DNASE1: variants seen among roughly 807,000 people sequenced by gnomAD.
DNASE1 encodes the protein deoxyribonuclease 1.
In DNASE1, 40 loss-of-function variants were observed where a neutral mutation model predicts 33.9. That is an observed-to-expected ratio of 1.18 (90% CI 0.92 to 1.54). The LOEUF (loss-of-function observed/expected upper bound fraction) is 1.54. DNASE1 is among the 40% of genes most tolerant of loss of function. The pLI, the probability that DNASE1 is intolerant of heterozygous loss-of-function variation, is 0.00. For synonymous variants in DNASE1, 216 were observed against 160.0 expected (o/e 1.35, Z -2.64); for missense variants, 518 against 372.6 (o/e 1.39, Z -3.21).
At chr16:3,664,355 G>T (rs113655404) in exon 10 of DNASE1, 2 of 1,613,144 alleles carry the variant, frequency 1.2e-6, no homozygotes. Context: ...GGTAGTAGAT[G>T]TTGCGGGTGC....
chr16:3,623,042 C>T (rs935217480), intron 1 of DNASE1, among the ~76,000 whole-genome samples: 18 of 152,046 alleles, frequency 1.2e-4, no homozygotes, highest in African/African-American at 4.1e-4. Flanking sequence ...ACCTGCCCCC[C>T]ACGTCCCCCC....
At chr16:3,628,966 G>A (rs944149735) in intron 1 of DNASE1, among the ~76,000 whole-genome samples, 1 of 149,226 alleles carries the variant, frequency 6.7e-6, no homozygotes, top group Admixed American at 6.7e-5. Context: ...GAGGTCAGGA[G>A]TTTGAGACTA....
chr16:3,657,834 C>G lies in DNASE1; in HGVS notation c.801+18C>G. 1.2e-6 allele frequency: 2 copies of G among 1,613,964 alleles called. No individual in the cohort carries two copies. Among genetic ancestry groups the G allele is most frequent in the Admixed American group, 1.7e-5 (1 of 60,018 alleles). On this transcript the variant is annotated intron_variant, in intron 8 of 8. Coordinates refer to ENST00000246949, the MANE Select transcript of DNASE1 (RefSeq NM_005223.4). The stretch of plus-strand genomic sequence containing the variant: ...ACCAACTGGTATGTGTCCTCCCTTG[C>G]ACAGCCACATGAGGATGGGACACAG...
At chr16:3,646,746 G>GTACC (rs2042182784) in intron 1 of DNASE1, among the ~76,000 whole-genome samples, 1 of 152,156 alleles carries the variant, frequency 6.6e-6, no homozygotes, top group Non-Finnish European at 1.5e-5. Context: ...GCTGGGACAT[G>GTACC]TACCTGGAAG....
chr16:3,634,046 G>A (rs993679255), intron 1 of DNASE1, among the ~76,000 whole-genome samples: 1 of 151,742 alleles, frequency 6.6e-6, no homozygotes, highest in African/African-American at 2.4e-5. Flanking sequence ...TCCTGACCTC[G>A]TGATCCGCCC....
downstream of DNASE1, chr16:3,658,970 G>A (rs1282540350): frequency 2.6e-6 from 3 of 1,154,848 alleles, no homozygotes; most frequent in Non-Finnish European, 3.8e-6. Context: ...CAGTAAGACT[G>A]TCTGTAGTTT....
At position 3,655,948 on chromosome 16, in the gene DNASE1, G is replaced by C. The variant is rs1336266849; in HGVS notation, c.236+11G>C. The C allele has an allele frequency of 6.2e-7, 1 of 1,613,544 alleles. No homozygotes were observed. The highest frequency in any genetic ancestry group is 1.3e-5 in the African/African-American group (1 of 74,924). ...GGACAACCTCAATCAGTGGGTGACA[G>C]TGGCAGGGTCATAGGAAGGTGACAT... On this transcript the variant is annotated intron_variant, in intron 3 of 8. Transcript: ENST00000246949.
intron 1 of DNASE1, among the ~76,000 whole-genome samples, chr16:3,630,901 G>GT (rs1370429171): frequency 2.6e-5 from 4 of 151,890 alleles, no homozygotes; most frequent in Non-Finnish European, 4.4e-5. Context: ...GGGTAATGTA[G>GT]TTTTTTTCCA....
At position 3,655,453 on chromosome 16, in the gene DNASE1, C is replaced by T. The variant is rs779747135; in HGVS notation, c.80C>T (p.Ala27Val). The T allele has an allele frequency of 3.7e-6, 6 of 1,614,032 alleles. No individual in the cohort carries two copies. The highest frequency in any genetic ancestry group is 5.1e-6 in the Non-Finnish European group (6 of 1,180,042). The change falls in exon 2 of 9, where the codon GCC (alanine) becomes GTC (valine). Residue 27 changes from alanine to valine, a missense_variant. Physicochemically the swap from Ala to Val is moderately conservative, Grantham distance 64 (BLOSUM62 0). Coordinates refer to ENST00000246949, the MANE Select transcript of DNASE1 (RefSeq NM_005223.4). ...LQGAVSLKIA[A>V]FNIQTFGETK... ...GGGGCCGTGTCCCTGAAGATCGCAG[C>T]CTTCAACATCCAGACATTTGGGGAG...
chr16:3,658,411 C>A (rs1009527410), downstream of DNASE1: 1 of 617,580 alleles, frequency 1.6e-6, no homozygotes, highest in Admixed American at 3.0e-5. Context: ...TGAGCCACCA[C>A]GCCTGGCCAT....
chr16:3,655,166 T>C (rs2151214743), intron 1 of DNASE1, 122 bp downstream of exon 1: 2 of 673,396 alleles, frequency 3.0e-6, no homozygotes, highest in Non-Finnish European at 5.0e-6. Flanking sequence ...GGGCGGGTTT[T>C]CTGGTGGATG....
At chr16:3,621,438 C>G (rs35192564) in intron 1 of DNASE1, among the ~76,000 whole-genome samples, 1 of 152,174 alleles carries the variant, frequency 6.6e-6, no homozygotes, top group African/African-American at 2.4e-5. Context: ...TGTCCAGGAG[C>G]TTCAGAAGGG....
chr16:3,656,383 C>T (rs1383824093), intron 4 of DNASE1, among the ~76,000 whole-genome samples, 198 bp downstream of exon 4: 2 of 148,408 alleles, frequency 1.3e-5, no homozygotes, highest in Non-Finnish European at 3.0e-5. Flanking sequence ...CCTCCTGTCG[C>T]CTGGGTCCCG....
intron 1 of DNASE1, among the ~76,000 whole-genome samples, chr16:3,628,719 C>T (rs1401952800): frequency 7.9e-5 from 12 of 151,176 alleles, no homozygotes; most frequent in Admixed American, 5.9e-4. Flanking sequence ...CCACCACGCC[C>T]GGCTAATTTT....
intron 1 of DNASE1, among the ~76,000 whole-genome samples, chr16:3,646,143 T>C (rs2042166308): frequency 6.6e-6 from 1 of 152,038 alleles, no homozygotes. Context: ...TCAAGCCCAG[T>C]GCCCAGAGTG....
rs765375903 is a variant in DNASE1, at chr16:3,657,313, G to A, written c.676G>A (p.Ala226Thr). The A allele has an allele frequency of 6.2e-7, 1 of 1,613,712 alleles. No homozygotes were observed. Among genetic ancestry groups the A allele is most frequent in the Admixed American group, 1.7e-5 (1 of 60,016 alleles). The stretch of plus-strand genomic sequence containing the variant: ...GATCCCCGACAGCGCTGACACCACA[G>A]CTACACCCACGCACTGTGCCTATGA... ...WLIPDSADTT[A>T]TPTHCAYDRI... The change falls in exon 7 of 9, where the codon GCT becomes ACT. Residue 226 changes from alanine (A) to threonine (T), a missense_variant. Ala to Thr is a moderately conservative substitution (Grantham distance 58, BLOSUM62 0). Coordinates refer to ENST00000246949, the MANE Select transcript of DNASE1 (RefSeq NM_005223.4).
intron 1 of DNASE1, among the ~76,000 whole-genome samples, chr16:3,636,140 A>T (rs112211622): frequency 6.7e-6 from 1 of 148,926 alleles, no homozygotes. Flanking sequence ...TTTCTCTCTG[A>T]GTTTCAGTTT....
intron 1 of DNASE1, among the ~76,000 whole-genome samples, chr16:3,622,687 A>G (rs1228632435): frequency 6.6e-6 from 1 of 152,152 alleles, no homozygotes; most frequent in African/African-American, 2.4e-5. Flanking sequence ...CCTGGGCTCA[A>G]GTGATCCCCC....
chr16:3,645,529 C>G (rs749399431), intron 1 of DNASE1, among the ~76,000 whole-genome samples: 3 of 152,206 alleles, frequency 2.0e-5, no homozygotes, highest in Non-Finnish European at 4.4e-5. Flanking sequence ...ATTTGCATCT[C>G]TCCTCAAAGC....
Sources: allele counts gnomAD v4.1 joint callset (sites outside exome capture counted in the v4.1 genomes callset), GRCh38; gene constraint gnomAD v4.1.1; transcripts MANE v1.5; gene names NCBI Gene and HGNC (gene_info 2026-07-23, HGNC 2026-07-21).